Variants in ST8SIA4 observed in about 807,000 individuals in gnomAD.
The protein encoded by ST8SIA4 is ST8 alpha-N-acetyl-neuraminide alpha-2,8-sialyltransferase 4, also known as CMP-N-acetylneuraminate-poly-alpha-2,8-sialyltransferase.
A neutral mutation model predicts 33.9 loss-of-function variants in ST8SIA4; 15 were observed. The ratio of observed to expected loss-of-function variants is 0.44; its 90% CI spans 0.30 to 0.68. The LOEUF is 0.68. ST8SIA4 is among the 30% of genes least tolerant of loss of function. The pLI, the probability that ST8SIA4 is intolerant of heterozygous loss-of-function variation, is 0.10. For missense variants in ST8SIA4, 321 were observed against 428.0 expected (o/e 0.75, Z 2.21); for synonymous variants, 171 against 151.2 (o/e 1.13, Z -0.96).
chr5:100,898,715 G>A (rs1349863951), intron 1 of ST8SIA4, among the ~76,000 whole-genome samples: 2 of 152,138 alleles, frequency 1.3e-5, no homozygotes, highest in South Asian at 2.1e-4. Flanking sequence ...CTCAGAAAAG[G>A]CTCTTCCTTC....
chr5:100,902,183 C>T (rs1752933110), intron 1 of ST8SIA4, among the ~76,000 whole-genome samples: 2 of 152,074 alleles, frequency 1.3e-5, no homozygotes. Context: ...CTGAACTCAT[C>T]TAGACAAACT....
At chr5:100,866,862 T>A (rs1752074606) in intron 3 of ST8SIA4, among the ~76,000 whole-genome samples, 1 of 152,062 alleles carries the variant, frequency 6.6e-6, no homozygotes, top group Non-Finnish European at 1.5e-5. Context: ...TAAATAAACA[T>A]ACACATAGAT....
intron 4 of ST8SIA4, chr5:100,816,656 TCA>T (rs780777012): frequency 2.0e-6 from 1 of 493,518 alleles, no homozygotes; most frequent in Non-Finnish European, 4.0e-6. Flanking sequence ...GGATGGAATC[TCA>T]CTGTGCCAAC....
intron 4 of ST8SIA4, among the ~76,000 whole-genome samples, chr5:100,828,110 A>G (rs1403772611): frequency 6.6e-6 from 1 of 152,196 alleles, no homozygotes; most frequent in East Asian, 1.9e-4. Context: ...TTGCAACTAC[A>G]AAAACATGAG....
rs1750732722 is a variant in ST8SIA4, at chr5:100,808,157, G to A, written c.*3690C>T. 6.6e-6 allele frequency: 1 copy of A among 152,472 alleles called. No homozygotes were observed. Among genetic ancestry groups the A allele is most frequent in the Admixed American group, 6.5e-5 (1 of 15,274 alleles). The allele number at this position is 152,472 out of a possible 1,614,324, so 9.4% of individuals were successfully genotyped here. On this transcript the variant is annotated 3_prime_UTR_variant, in exon 5 of 5. Coordinates refer to ENST00000231461, the MANE Select transcript of ST8SIA4 (RefSeq NM_005668.6). ...GCATTATGTCTAACTGGCTCAATTAGAAATAAATTAATTTGTTCATCCTTT... is the reference window on the plus strand; with the variant it reads ...GCATTATGTCTAACTGGCTCAATTAAAAATAAATTAATTTGTTCATCCTTT...
At chr5:100,877,709 C>T (rs902092131) in intron 3 of ST8SIA4, among the ~76,000 whole-genome samples, 1 of 152,164 alleles carries the variant, frequency 6.6e-6, no homozygotes, top group Middle Eastern at 3.4e-3. Context: ...AGAAATAATC[C>T]AAAGTCTATT....
At chr5:100,892,177 CA>C (rs1186609976) in intron 2 of ST8SIA4, among the ~76,000 whole-genome samples, 2 of 151,528 alleles carry the variant, frequency 1.3e-5, no homozygotes, top group Admixed American at 6.6e-5. Context: ...AAAACAATAA[CA>C]AAAAAAGAAA....
At chr5:100,820,869 C>A (rs1284057663) in intron 4 of ST8SIA4, among the ~76,000 whole-genome samples, 2 of 152,080 alleles carry the variant, frequency 1.3e-5, no homozygotes, top group African/African-American at 4.8e-5. Context: ...TGCTTAAAAT[C>A]TTGAGCTGGC....
chr5:100,853,799 T>C (rs1399398713), intron 4 of ST8SIA4, among the ~76,000 whole-genome samples: 1 of 152,192 alleles, frequency 6.6e-6, no homozygotes, highest in Admixed American at 6.5e-5. Context: ...CAGTCACTCC[T>C]CTTATTTCAT....
At chr5:100,860,319 A>G (rs1241953983) in intron 3 of ST8SIA4, among the ~76,000 whole-genome samples, 1 of 152,116 alleles carries the variant, frequency 6.6e-6, no homozygotes, top group Non-Finnish European at 1.5e-5. Context: ...ATTATTACCT[A>G]CGGAAACACC....
intron 3 of ST8SIA4, among the ~76,000 whole-genome samples, chr5:100,862,544 G>A (rs1347002130): frequency 6.6e-6 from 1 of 151,150 alleles, no homozygotes; most frequent in Non-Finnish European, 1.5e-5. Context: ...GATTACAGGC[G>A]CCCCCCACCA....
intron 1 of ST8SIA4, among the ~76,000 whole-genome samples, chr5:100,898,500 C>G (rs191415471): frequency 1.3e-3 from 192 of 152,264 alleles, no homozygotes; most frequent in African/African-American, 4.4e-3. Context: ...GAATTGCTTT[C>G]ATTGAGCTGG....
chr5:100,825,711 A>G (rs1751127555), intron 4 of ST8SIA4, among the ~76,000 whole-genome samples: 2 of 152,308 alleles, frequency 1.3e-5, no homozygotes, highest in Admixed American at 6.5e-5. Flanking sequence ...AGGAAAATAT[A>G]TATTATTTAT....
At chr5:100,834,071 T>C (rs1454784336) in intron 4 of ST8SIA4, among the ~76,000 whole-genome samples, 2 of 152,170 alleles carry the variant, frequency 1.3e-5, no homozygotes, top group African/African-American at 4.8e-5. Context: ...AAATGAGTGC[T>C]AATATAATAA....
intron 4 of ST8SIA4, among the ~76,000 whole-genome samples, chr5:100,817,218 C>T (rs1369952023): frequency 7.0e-6 from 1 of 142,218 alleles, no homozygotes; most frequent in East Asian, 2.1e-4. Context: ...CCACCTGCCT[C>T]TGCATCCCAA....
chr5:100,891,187 T>A (rs538829694), intron 2 of ST8SIA4, among the ~76,000 whole-genome samples: 1 of 151,918 alleles, frequency 6.6e-6, no homozygotes, highest in South Asian at 2.1e-4. Flanking sequence ...GTGTGACGAA[T>A]CTTATAGGTG....
intron 4 of ST8SIA4, chr5:100,849,421 C>G (rs1223759818): frequency 1.0e-6 from 1 of 985,228 alleles, no homozygotes; most frequent in African/African-American, 1.7e-5. Context: ...TAGAATTGTT[C>G]AAATCCTCTT....
At position 100,886,459 on chromosome 5, in the gene ST8SIA4, A is replaced by G. The variant is rs1752539304; in HGVS notation, c.387T>C (p.Pro129=). The G allele has an allele frequency of 6.2e-7, 1 of 1,613,958 alleles. No individual in the cohort carries two copies. Among genetic ancestry groups the G allele is most frequent in the African/African-American group, 1.3e-5 (1 of 75,030 alleles). ...NISHDLHSLL[P]EVSPMKNRRF... ...TGCGATTCTTCATTGGTGAAACTTCAGGTAGGAGGCTATGTAGATCATGAG... is the reference window on the plus strand; with the variant it reads ...TGCGATTCTTCATTGGTGAAACTTCGGGTAGGAGGCTATGTAGATCATGAG... The change falls in exon 3 of 5, where the codon CCT becomes CCC. Residue 129 remains proline (P), a synonymous_variant. Transcript: ENST00000231461.
chr5:100,850,076 T>C (rs968995469), intron 4 of ST8SIA4, among the ~76,000 whole-genome samples: 5 of 152,192 alleles, frequency 3.3e-5, no homozygotes, highest in African/African-American at 1.2e-4. Context: ...GAATCATAGT[T>C]TTTGCCATTA....
Sources: gnomAD v4.1 joint callset for allele counts (sites outside exome capture counted in the v4.1 genomes callset) on GRCh38, gnomAD v4.1.1 for gene constraint, MANE v1.5 for transcripts, NCBI Gene and HGNC (gene_info 2026-07-23, HGNC 2026-07-21) for gene names.